The following APLF variants were observed in gnomAD, a reference collection of about 807,000 sequenced individuals.
The protein encoded by APLF is aprataxin and PNKP like factor, also known as aprataxin and PNK-like factor.
APLF carries 61 observed loss-of-function variants against 55.6 expected under a neutral mutation model. The observed-to-expected ratio is 1.10, with a 90% confidence interval of 0.89 to 1.36. APLF has a LOEUF of 1.36. Ranked by LOEUF, APLF falls within the 40% of genes most tolerant of loss-of-function variation. The pLI, the probability that APLF is intolerant of heterozygous loss-of-function variation, is 0.00. For missense variants in APLF, 611 were observed against 602.5 expected (o/e 1.01, Z -0.15); for synonymous variants, 207 against 214.8 (o/e 0.96, Z 0.32).
intron 1 of APLF, among the ~76,000 whole-genome samples, chr2:68,480,009 A>C (rs778082940): frequency 6.6e-6 from 1 of 152,178 alleles, no homozygotes; most frequent in Non-Finnish European, 1.5e-5. Context: ...GCTTATTATA[A>C]GAATATACTG....
At chr2:68,570,967 G>A (rs1671443342) in intron 9 of APLF, among the ~76,000 whole-genome samples, 1 of 152,124 alleles carries the variant, frequency 6.6e-6, no homozygotes, top group South Asian at 2.1e-4. Flanking sequence ...GTTGTTTCCT[G>A]ACTTTTTTAT....
chr2:68,467,716 C>G lies in APLF; in HGVS notation c.-16C>G. 3.2e-6 allele frequency: 4 copies of G among 1,234,714 alleles called. No homozygotes were observed. The highest frequency in any genetic ancestry group is 4.0e-6 in the Non-Finnish European group (4 of 987,918). The allele number at this position is 1,234,714 out of a possible 1,614,324, so 76.5% of individuals were successfully genotyped here. A position where few individuals can be genotyped will look rare whatever the true frequency, so the allele number is the denominator to read the frequency against. ...GGGGCCAGTCTCCTGGCGAAGGGGC[C>G]TAATCCTTGCCCGCCATGTCCGGGG... On this transcript the variant is annotated 5_prime_UTR_variant, in exon 1 of 10. Coordinates refer to ENST00000303795, the MANE Select transcript of APLF (RefSeq NM_173545.3).
chr2:68,505,188 A>G (rs1676838705), intron 3 of APLF, among the ~76,000 whole-genome samples: 1 of 152,076 alleles, frequency 6.6e-6, no homozygotes, highest in Non-Finnish European at 1.5e-5. Flanking sequence ...TCATACATGT[A>G]TGAAGCGTGC....
At chr2:68,544,550 A>C (rs1047194715) in intron 7 of APLF, among the ~76,000 whole-genome samples, 2 of 152,172 alleles carry the variant, frequency 1.3e-5, no homozygotes, top group African/African-American at 2.4e-5. Flanking sequence ...TAAAGGGTTT[A>C]TTATTGTTCT....
At chr2:68,571,124 C>G (rs1316596282) in intron 9 of APLF, among the ~76,000 whole-genome samples, 1 of 152,170 alleles carries the variant, frequency 6.6e-6, no homozygotes, top group East Asian at 1.9e-4. Flanking sequence ...ATATCCTTCA[C>G]CCCCTTTTTG....
chr2:68,480,302 C>CTTTT (rs539696340), intron 1 of APLF, among the ~76,000 whole-genome samples: 2 of 141,104 alleles, frequency 1.4e-5, no homozygotes, highest in East Asian at 4.0e-4. Flanking sequence ...TTTCTTTTTC[C>CTTTT]TTTTTTTTTT....
At chr2:68,538,402 A>G (rs1670458358) in intron 7 of APLF, among the ~76,000 whole-genome samples, 175 bp downstream of exon 7, 2 of 152,194 alleles carry the variant, frequency 1.3e-5, no homozygotes, top group African/African-American at 4.8e-5. Context: ...AATCCTTTTA[A>G]GGCTTTTAAG....
At chr2:68,567,169 C>T (rs1671332073) in intron 8 of APLF, among the ~76,000 whole-genome samples, 172 bp from the exon 9 acceptor site, 1 of 151,990 alleles carries the variant, frequency 6.6e-6, no homozygotes, top group Non-Finnish European at 1.5e-5. Flanking sequence ...ATGTGCTTGG[C>T]ATGGAGTAGG....
chr2:68,483,084 A>G (rs1420722812), intron 1 of APLF, among the ~76,000 whole-genome samples: 1 of 152,098 alleles, frequency 6.6e-6, no homozygotes, highest in Non-Finnish European at 1.5e-5. Context: ...CCTCAAAGCT[A>G]GAGAGACACA....
intron 1 of APLF, among the ~76,000 whole-genome samples, chr2:68,468,451 A>G (rs934361622): frequency 3.3e-5 from 5 of 152,206 alleles, no homozygotes; most frequent in Non-Finnish European, 1.5e-5. Context: ...ACCTATACCA[A>G]CATCTTTAAC....
At chr2:68,524,354 T>G (rs916898406) in intron 5 of APLF, among the ~76,000 whole-genome samples, 2 of 152,228 alleles carry the variant, frequency 1.3e-5, no homozygotes, top group African/African-American at 4.8e-5. Context: ...TTCCTGAACT[T>G]AATGAGGGAA....
intron 3 of APLF, among the ~76,000 whole-genome samples, chr2:68,505,968 T>C (rs1018218897): frequency 5.9e-5 from 9 of 152,018 alleles, no homozygotes; most frequent in African/African-American, 1.4e-4. Context: ...CCTTCATCTT[T>C]AGAGGCTTTC....
rs973160849 is a variant in APLF, at chr2:68,526,119, C to T, written c.681C>T (p.Asn227=). 1.2e-6 allele frequency: 2 copies of T among 1,613,780 alleles called. No homozygotes were observed. Among genetic ancestry groups the T allele is most frequent in the Non-Finnish European group, 1.7e-6 (2 of 1,179,962 alleles). Residue 227 remains asparagine (N), a synonymous_variant, in exon 6 of 10, where the codon AAC becomes AAT. Coordinates refer to ENST00000303795, the MANE Select transcript of APLF (RefSeq NM_173545.3). ...TCTGCAAAGATAAATCCCAGCTAAACACAACCCAGCAAGGAAGAAGGCAAT... is the reference window on the plus strand; with the variant it reads ...TCTGCAAAGATAAATCCCAGCTAAATACAACCCAGCAAGGAAGAAGGCAAT... ...EEICKDKSQL[N]TTQQGRRQLI...
chr2:68,516,937 A>G (rs1364031577), intron 5 of APLF, among the ~76,000 whole-genome samples: 2 of 123,050 alleles, frequency 1.6e-5, no homozygotes, highest in African/African-American at 6.7e-5. Flanking sequence ...ATAATATATA[A>G]TATAATATAT....
chr2:68,527,588 G>A (rs1170040686), intron 6 of APLF, among the ~76,000 whole-genome samples: 1 of 150,942 alleles, frequency 6.6e-6, no homozygotes, highest in Non-Finnish European at 1.5e-5. Context: ...TAAGGGGGCC[G>A]GGCAGAGGCA....
At chr2:68,533,776 C>G (rs1670320653) in intron 6 of APLF, among the ~76,000 whole-genome samples, 1 of 152,144 alleles carries the variant, frequency 6.6e-6, no homozygotes, top group South Asian at 2.1e-4. Flanking sequence ...GATGTCAAAG[C>G]TGTTAGATCT....
chr2:68,559,039 G>A (rs1275637262), intron 8 of APLF, among the ~76,000 whole-genome samples: 1 of 152,144 alleles, frequency 6.6e-6, no homozygotes, highest in African/African-American at 2.4e-5. Flanking sequence ...ACTTCTTTAT[G>A]ACAAAGTGAT....
In APLF at chr2:68,578,829, T is replaced by C; in HGVS notation, c.*807T>C. 1 of 985,342 alleles carries C rather than the reference T, an allele frequency of 1.0e-6. No individual in the cohort carries two copies. Among genetic ancestry groups the C allele is most frequent in the Non-Finnish European group, 1.2e-6 (1 of 829,872 alleles). The allele number at this position is 985,342 out of a possible 1,614,324, so 61.0% of individuals were successfully genotyped here. Reference sequence around the variant, plus strand: ...GGCATTAGTTTTGCCTTAGTTTTTTTGACCTCAGATGAAAGTAGCAAGTTG... The same window carrying C: ...GGCATTAGTTTTGCCTTAGTTTTTTCGACCTCAGATGAAAGTAGCAAGTTG... On this transcript the variant is annotated 3_prime_UTR_variant, in exon 10 of 10. Coordinates refer to ENST00000303795, the MANE Select transcript of APLF (RefSeq NM_173545.3).
chr2:68,552,886 G>A (rs891804770), intron 8 of APLF, among the ~76,000 whole-genome samples: 1 of 152,054 alleles, frequency 6.6e-6, no homozygotes, highest in African/African-American at 2.4e-5. Context: ...ACTGCTTTGT[G>A]TCCTGATTCT....
Sources: allele counts gnomAD v4.1 joint callset (sites outside exome capture counted in the v4.1 genomes callset), GRCh38; gene constraint gnomAD v4.1.1; transcripts MANE v1.5; gene names NCBI Gene and HGNC (gene_info 2026-07-23, HGNC 2026-07-21).